The following PPP2R5C variants were observed in gnomAD, a reference collection of about 807,000 sequenced individuals.
PPP2R5C encodes the protein serine/threonine-protein phosphatase 2A 56 kDa regulatory subunit gamma isoform.
In PPP2R5C, 7 loss-of-function variants were observed where a neutral mutation model predicts 68.9. That is an observed-to-expected ratio of 0.10 (90% confidence interval 0.06 to 0.19). The LOEUF (loss-of-function observed/expected upper bound fraction) is 0.19, where lower values mean the gene tolerates loss of function less well. Among genes scored for constraint, PPP2R5C ranks in the 10% least tolerant of loss-of-function variants. PPP2R5C has a pLI of 1.00. For synonymous variants in PPP2R5C, 210 were observed against 222.2 expected, an observed-to-expected ratio of 0.95 and a Z score of 0.49; for missense variants, 348 against 641.3, an observed-to-expected ratio of 0.54 and a Z score of 4.94.
chr14:101,885,975 A>G (rs943098987), intron 5 of PPP2R5C, among the ~76,000 whole-genome samples: 14 of 152,384 alleles, frequency 9.2e-5, no homozygotes, highest in African/African-American at 2.2e-4. Context: ...TCTATTGAAC[A>G]TCTGCATTTA....
chr14:101,823,782 C>T (rs750399700), intron 1 of PPP2R5C: 24 of 1,129,430 alleles, frequency 2.1e-5, no homozygotes, highest in Non-Finnish European at 2.6e-5. Context: ...ATGCACTGAG[C>T]CTGCTCTTGC....
At chr14:101,771,416 TC>T (rs764784178) in intron 2 of PPP2R5C, among the ~76,000 whole-genome samples, 4 of 151,756 alleles carry the variant, frequency 2.6e-5, no homozygotes, top group Non-Finnish European at 5.9e-5. Context: ...CACCACACTA[TC>T]TTGTATATAT....
At chr14:101,810,684 A>G (rs998031104) in intron 1 of PPP2R5C, among the ~76,000 whole-genome samples, 20 of 152,234 alleles carry the variant, frequency 1.3e-4, no homozygotes, top group African/African-American at 4.8e-4. Flanking sequence ...CTGTGTTGCC[A>G]GTTGGCTTTT....
rs1178978298 is a variant in PPP2R5C, at chr14:101,888,338, T to G, written c.630-1899T>G. Among the ~76,000 whole-genome samples the G allele has an allele frequency of 6.6e-6, 1 of 151,994 alleles. No individual in the cohort carries two copies. The highest frequency in any genetic ancestry group is 1.5e-5 in the Non-Finnish European group (1 of 67,996). On this transcript the variant is annotated intron_variant, in intron 5 of 13. Coordinates refer to ENST00000334743, the Ensembl canonical transcript of PPP2R5C. The surrounding 1 kb of genome is among the most constrained non-coding windows in gnomAD (Gnocchi z 5.6). ...TAGACACACACAGACTGACTTCTGCTTGGTCACAGCTTCCAAGCCTCAGGG... is the reference window on the plus strand; with the variant it reads ...TAGACACACACAGACTGACTTCTGCGTGGTCACAGCTTCCAAGCCTCAGGG...
chr14:101,795,294 A>G (rs2038556130), intron 3 of PPP2R5C, among the ~76,000 whole-genome samples: 3 of 152,204 alleles, frequency 2.0e-5, no homozygotes, highest in African/African-American at 7.2e-5. Context: ...CCACATACAG[A>G]GTATGTGAGA....
chr14:101,911,999 T>C (rs1338692604), intron 11 of PPP2R5C, among the ~76,000 whole-genome samples: 2 of 152,122 alleles, frequency 1.3e-5, no homozygotes, highest in Non-Finnish European at 2.9e-5. Context: ...TTTAATATTA[T>C]AGGAATGGGA....
chr14:101,925,524 A>C, exon 14 of PPP2R5C: 1 of 410,998 alleles, frequency 2.4e-6, no homozygotes, highest in Non-Finnish European at 4.2e-6. Context: ...GCGTAGTCCA[A>C]GTCAGACTAT....
chr14:101,881,951 G>C (rs1267246978), intron 2 of PPP2R5C, among the ~76,000 whole-genome samples: 1 of 152,172 alleles, frequency 6.6e-6, no homozygotes, highest in African/African-American at 2.4e-5. Context: ...TGGTCAACTT[G>C]CGTGCGCACC....
At chr14:101,794,017 G>T (rs1367893300) in intron 3 of PPP2R5C, among the ~76,000 whole-genome samples, 5 of 152,176 alleles carry the variant, frequency 3.3e-5, no homozygotes, top group Non-Finnish European at 5.9e-5. Context: ...TGAGCCTGGG[G>T]TTTTTATGGG....
At chr14:101,892,372 A>T (rs1207867124) in intron 6 of PPP2R5C, among the ~76,000 whole-genome samples, 1 of 93,894 alleles carries the variant, frequency 1.1e-5, no homozygotes, top group East Asian at 3.6e-4. Flanking sequence ...GATAAGGCTG[A>T]GGGAAGGTGT....
rs1036752177 is a variant in PPP2R5C, at chr14:101,915,226, T to C, written c.1327-2605T>C. Among the ~76,000 whole-genome samples, 3 of 152,052 alleles carry C rather than the reference T, an allele frequency of 2.0e-5. No individual in the cohort carries two copies. Among genetic ancestry groups the C allele is most frequent in the African/African-American group, 7.2e-5 (3 of 41,404 alleles). On this transcript the variant is annotated intron_variant, in intron 12 of 13. Transcript: ENST00000334743. This position sits in a 1 kb window ranked among gnomAD's most constrained non-coding sequence, Gnocchi z 4.2. The stretch of plus-strand genomic sequence containing the variant: ...CTCCCAAGTATGCTGGGACTACAGG[T>C]GCACGCCACCATGCCTGGCTAATTT...
chr14:101,923,900 T>A (rs1367985651), intron 13 of PPP2R5C, among the ~76,000 whole-genome samples: 1 of 117,886 alleles, frequency 8.5e-6, no homozygotes, highest in Non-Finnish European at 1.8e-5. Flanking sequence ...ATCTGGAATT[T>A]GTAAGGCGTT....
At chr14:101,808,645 TACTC>T (rs1000579312), upstream of PPP2R5C, among the ~76,000 whole-genome samples, 4 of 152,228 alleles carry the variant, frequency 2.6e-5, no homozygotes, top group Admixed American at 6.5e-5. Flanking sequence ...AGGTGTTTCT[TACTC>T]TACTGTGAAT....
intron 11 of PPP2R5C, among the ~76,000 whole-genome samples, chr14:101,911,456 G>A (rs539847117): frequency 6.6e-6 from 1 of 152,338 alleles, no homozygotes; most frequent in South Asian, 2.1e-4. Context: ...TCTCATCTCA[G>A]CTCTCAGTGC....
intron 13 of PPP2R5C, among the ~76,000 whole-genome samples, chr14:101,924,859 T>C (rs907893257): frequency 4.6e-5 from 7 of 152,126 alleles, no homozygotes; most frequent in African/African-American, 1.7e-4. Flanking sequence ...ATTCTGCAAA[T>C]TAGAGGTACT....
At chr14:101,822,593 C>T (rs938710587) in intron 1 of PPP2R5C, among the ~76,000 whole-genome samples, 2 of 152,114 alleles carry the variant, frequency 1.3e-5, no homozygotes, top group Admixed American at 1.3e-4. Flanking sequence ...CCTCTCTTCC[C>T]GACTTCCTTC....
intron 2 of PPP2R5C, among the ~76,000 whole-genome samples, chr14:101,866,849 G>A (rs910117815): frequency 6.6e-6 from 1 of 152,096 alleles, no homozygotes; most frequent in Non-Finnish European, 1.5e-5. Context: ...TGGGAGGCCA[G>A]GGCAGGAGGA....
At chr14:101,824,920 G>A (rs1298846678) in intron 1 of PPP2R5C, 1 of 152,846 alleles carries the variant, frequency 6.5e-6, no homozygotes, top group Admixed American at 6.5e-5. Context: ...TCAGCCTGTT[G>A]GGGTATGTGT....
intron 10 of PPP2R5C, among the ~76,000 whole-genome samples, chr14:101,907,478 T>C (rs946447546): frequency 6.6e-6 from 1 of 152,202 alleles, no homozygotes; most frequent in African/African-American, 2.4e-5. Flanking sequence ...ATATTATTTA[T>C]TAATATGGTA....
Sources: allele counts gnomAD v4.1 joint callset (sites outside exome capture counted in the v4.1 genomes callset), GRCh38; gene constraint gnomAD v4.1.1; non-coding constraint Gnocchi (gnomAD v3.1); transcripts MANE v1.5; gene names NCBI Gene and HGNC (gene_info 2026-07-23, HGNC 2026-07-21).